The following APBB3 variants were observed in gnomAD, a reference collection of about 807,000 sequenced individuals.
The protein encoded by APBB3 is amyloid beta precursor protein binding family B member 3, also known as amyloid-beta A4 precursor protein-binding family B member 3.
In APBB3, 50 loss-of-function variants were observed where a neutral mutation model predicts 61.5. That is an observed-to-expected ratio of 0.81 (90% CI 0.65 to 1.03). APBB3 has a LOEUF of 1.03. Among genes scored for constraint, APBB3 ranks in the 50% least tolerant of loss-of-function variants. APBB3 has a pLI of 0.00. For synonymous variants in APBB3, 235 were observed against 233.0 expected (o/e 1.01, Z -0.08); for missense variants, 550 against 637.4 (o/e 0.86, Z 1.48).
chr5:140,561,374 G>A lies in APBB3; in HGVS notation c.823C>T (p.Pro275Ser). 2 of 1,614,164 alleles carry A rather than the reference G, an allele frequency of 1.2e-6. No individual in the cohort carries two copies. Among genetic ancestry groups the A allele is most frequent in the Non-Finnish European group, 1.7e-6 (2 of 1,180,024 alleles). The part of the protein sequence containing the change: ...SPDPISPEDL[P>S]RQVELLDAVS... ...TCTCCCCTCCCCATACCTTGCCGTG[G>A]CAGGTCTTCAGGAGAGATGGGGTCT... Residue 275 changes from proline to serine, a missense_variant, in exon 9 of 13, where the codon CCA becomes TCA. This residue lies in a region of APBB3 where 405 missense variants were observed against 483.4 expected (regional missense o/e 0.84). Coordinates refer to ENST00000357560, the MANE Select transcript of APBB3 (RefSeq NM_133173.3).
chr5:140,558,854 C>T (rs755308507), intron 12 of APBB3, 33 bp from the exon 13 acceptor site: 2 of 1,591,544 alleles, frequency 1.3e-6, no homozygotes, highest in Non-Finnish European at 8.6e-7. Context: ...GATCCAGCTA[C>T]TTTCTGCCTC....
Position 140,560,998 on chromosome 5 carries a change from G to A in APBB3, c.916+20C>T. The A allele has an allele frequency of 6.2e-7, 1 of 1,609,168 alleles. No individual in the cohort carries two copies. The highest frequency in any genetic ancestry group is 8.5e-7 in the Non-Finnish European group (1 of 1,179,114). Reference sequence around the variant, plus strand: ...CCTTGCCTCACACAGCCCACCACATGCAGCCCCCTCAGTCCTCACCCATGG... The same window carrying A: ...CCTTGCCTCACACAGCCCACCACATACAGCCCCCTCAGTCCTCACCCATGG... On this transcript the variant is annotated intron_variant, in intron 10 of 12. Coordinates refer to ENST00000357560, the MANE Select transcript of APBB3 (RefSeq NM_133173.3). This position sits in a 1 kb window ranked among gnomAD's most constrained non-coding sequence, Gnocchi z 5.1.
At chr5:140,563,466 G>T in intron 3 of APBB3, 128 bp downstream of exon 3, 1 of 1,038,054 alleles carries the variant, frequency 9.6e-7, no homozygotes, top group Non-Finnish European at 1.5e-6. Context: ...ACAGAGCCAA[G>T]AACGTAACAG....
chr5:140,564,082 C>G lies in APBB3; in HGVS notation c.49+115G>C. On this transcript the variant is annotated intron_variant, in intron 1 of 12. Transcript: ENST00000357560. This position sits in a 1 kb window ranked among gnomAD's most constrained non-coding sequence, Gnocchi z 5.0. ...ATGTAAAGACCGGGTTCATTCGCCC[C>G]CTGGTCCCTACACAGAGAGGTATCC... The G allele has an allele frequency of 6.6e-7, 1 of 1,509,360 alleles. No individual in the cohort carries two copies. Among genetic ancestry groups the G allele is most frequent in the East Asian group, 2.3e-5 (1 of 42,750 alleles). 93.5% of individuals were successfully genotyped at this position (1,509,360 alleles called of 1,614,324 possible).
chr5:140,563,742 C>CT lies in APBB3; in HGVS notation c.213+9dup. On this transcript the variant is annotated intron_variant, in intron 2 of 12. Transcript: ENST00000357560. ...CATGGGCTCAGACCTCCTCCTCACA[C>CT]TCTACCTACCGTGCCTGGGTCCTCT... 1 of 1,614,116 alleles carries CT rather than the reference C, an allele frequency of 6.2e-7. No individual in the cohort carries two copies. The highest frequency in any genetic ancestry group is 1.1e-5 in the South Asian group (1 of 91,074).
intron 3 of APBB3, chr5:140,562,967 G>A: frequency 1.9e-6 from 1 of 517,010 alleles, no homozygotes; most frequent in Non-Finnish European, 3.5e-6. Context: ...CACAAGGCTA[G>A]GTGCAGTGGT....
intron 3 of APBB3, chr5:140,563,342 G>T (rs748955516): frequency 1.4e-5 from 8 of 556,084 alleles, no homozygotes; most frequent in Admixed American, 3.3e-5. Context: ...AGGACTTAAT[G>T]GCCAAGGTCT....
In APBB3 at chr5:140,561,464, A is replaced by C. The variant is rs1581405565; in HGVS notation, c.748-15T>G. 1.2e-6 allele frequency: 2 copies of C among 1,614,124 alleles called. No individual in the cohort carries two copies. Among genetic ancestry groups the C allele is most frequent in the East Asian group, 4.5e-5 (2 of 44,878 alleles). On this transcript the variant is annotated splice_polypyrimidine_tract_variant and intron_variant, in intron 8 of 12. Coordinates refer to ENST00000357560, the MANE Select transcript of APBB3 (RefSeq NM_133173.3). The stretch of plus-strand genomic sequence containing the variant: ...TCTGACAAGATCTAAAACACAATGA[A>C]GCCAGCATGACCCACAGGGAGAGAG...
rs368213260 is a variant in APBB3, at chr5:140,564,283, ACT to A, written c.-40_-39del. ...TCCCCGCCAGCCTCTGCCGGCCCGC[ACT>A]CTCAGCCCAGCGCGACCTCTGGAGC... On this transcript the variant is annotated 5_prime_UTR_variant, in exon 1 of 13. Transcript: ENST00000357560. The surrounding 1 kb of genome is among the most constrained non-coding windows in gnomAD (Gnocchi z 5.0). 21,682 of 1,602,470 alleles carry A rather than the reference ACT, an allele frequency of 0.014. 180 individuals are homozygous for A. Among genetic ancestry groups the A allele is most frequent in the South Asian group, 0.025 (2,288 of 90,906 alleles).
chr5:140,561,779 G>A (rs368483411), intron 7 of APBB3, 65 bp downstream of exon 7: 1 of 1,613,926 alleles, frequency 6.2e-7, no homozygotes, highest in African/African-American at 1.3e-5. Flanking sequence ...AGTCAGGCTA[G>A]GGATATAGCA....
rs371662609 is a variant in APBB3 at position 140,563,588 on chromosome 5, C to A, written c.290+6G>T. The A allele has an allele frequency of 1.9e-6, 3 of 1,614,184 alleles. No individual in the cohort carries two copies. The highest frequency in any genetic ancestry group is 3.3e-5 in the Admixed American group (2 of 60,030). ...AGCCTTTCATTTTGCCTGGGCCACC[C>A]GTTACCTCCGGTCCAGTGAACTCTC... On this transcript the variant is annotated splice_donor_region_variant and intron_variant, in intron 3 of 12. Transcript: ENST00000357560.
chr5:140,562,384 C>T lies in APBB3; in HGVS notation c.467G>A (p.Arg156Gln), dbSNP rs370757168. 1.7e-5 allele frequency: 28 copies of T among 1,614,054 alleles called. No homozygotes were observed. Among genetic ancestry groups the T allele is most frequent in the African/African-American group, 1.2e-4 (9 of 74,944 alleles). The change falls in exon 5 of 13, where the codon CGG becomes CAG. Residue 156 changes from arginine to glutamine, a missense_variant. Transcript: ENST00000357560. ...CCAGGCACCATCTGGAGGCTGGCTC[C>T]GGCTGCGGGTCTGGGCCAGCTGCTG... ...CIQQLAQTRS[R>Q]SQPPDGAWGE...
rs747415121 is a variant in APBB3, at chr5:140,563,881, C to G, written c.84G>C (p.Glu28Asp). Residue 28 changes from glutamate to aspartate, a missense_variant, in exon 2 of 13, where the codon GAG becomes GAC. This residue lies in a region of APBB3 where 405 missense variants were observed against 483.4 expected (regional missense o/e 0.84). Transcript: ENST00000357560. Reference protein sequence around the residue: ...DLWGDHSLEVEAGLPPGWRKI... With the variant: ...DLWGDHSLEVDAGLPPGWRKI... Reference sequence around the variant, plus strand: ...TCCTCCAGCCAGGAGGCAGGCCAGCCTCCACCTCCAGACTGTGGTCCCCCC... The same window carrying G: ...TCCTCCAGCCAGGAGGCAGGCCAGCGTCCACCTCCAGACTGTGGTCCCCCC... 4 of 1,614,118 alleles carry G rather than the reference C, an allele frequency of 2.5e-6. No individual in the cohort carries two copies. The highest frequency in any genetic ancestry group is 3.4e-6 in the Non-Finnish European group (4 of 1,180,028).
chr5:140,558,509 A>C lies in APBB3; in HGVS notation c.*76T>G. ...AGAAGGCTTCAAGGAGTGACAGGCT[A>C]TAGGCCTTGAGGAATAAAACGGTAC... On this transcript the variant is annotated 3_prime_UTR_variant, in exon 13 of 13. Coordinates refer to ENST00000357560, the MANE Select transcript of APBB3 (RefSeq NM_133173.3). 40 of 1,330,704 alleles carry C rather than the reference A, an allele frequency of 3.0e-5. No individual in the cohort carries two copies. The highest frequency in any genetic ancestry group is 4.1e-5 in the Non-Finnish European group (38 of 922,098). The allele number at this position is 1,330,704 out of a possible 1,614,324, so 82.4% of individuals were successfully genotyped here. A position where few individuals can be genotyped will look rare whatever the true frequency, so the allele number is the denominator to read the frequency against.
chr5:140,562,635 C>T (rs1175856364), intron 4 of APBB3, 28 bp downstream of exon 4: 9 of 1,613,864 alleles, frequency 5.6e-6, no homozygotes, highest in Non-Finnish European at 6.8e-6. Flanking sequence ...CTTGGGACCT[C>T]CCAATGCCCT....
chr5:140,558,711 T>G lies in APBB3; in HGVS notation c.1335A>C (p.Gly445=). The G allele has an allele frequency of 6.2e-7, 1 of 1,609,948 alleles. No individual in the cohort carries two copies. Among genetic ancestry groups the G allele is most frequent in the Non-Finnish European group, 8.5e-7 (1 of 1,178,900 alleles). ...LKRTSSMDSP[G]GPLPLPLLKG... ...TGAGCAGGGGGAGGGGCAGGGGACCTCCTGGGGAATCCATGGAGCTGGTCC... is the reference window on the plus strand; with the variant it reads ...TGAGCAGGGGGAGGGGCAGGGGACCGCCTGGGGAATCCATGGAGCTGGTCC... Residue 445 remains glycine, a synonymous_variant, in exon 13 of 13, where the codon GGA becomes GGC. Transcript: ENST00000357560.
chr5:140,562,057 G>T, intron 6 of APBB3, 43 bp downstream of exon 6: 1 of 1,612,142 alleles, frequency 6.2e-7, no homozygotes, highest in Non-Finnish European at 8.5e-7. Context: ...CTGCAGCCGG[G>T]AGGGAGAAGT....
Position 140,560,402 on chromosome 5 carries a change from C to T in APBB3, c.1135G>A (p.Asp379Asn), listed in dbSNP as rs755729315. Residue 379 changes from aspartate (D) to asparagine (N), a missense_variant, in exon 12 of 13, where the codon GAC (aspartate) becomes AAC (asparagine). By Grantham distance (23) the Asp-to-Asn change is conservative. Coordinates refer to ENST00000357560, the MANE Select transcript of APBB3 (RefSeq NM_133173.3). The surrounding 1 kb of genome is among the most constrained non-coding windows in gnomAD (Gnocchi z 5.1). The part of the protein sequence containing the change: ...RDPHTFGLIA[D>N]LGRQSFQCAA... ...CACTGGAAGCTCTGACGGCCCAGGTCAGCGATGAGGCCAAAGGTGTGTGGG... is the reference window on the plus strand; with the variant it reads ...CACTGGAAGCTCTGACGGCCCAGGTTAGCGATGAGGCCAAAGGTGTGTGGG... 2.5e-6 allele frequency: 4 copies of T among 1,614,086 alleles called. No homozygotes were observed. Among genetic ancestry groups the T allele is most frequent in the Admixed American group, 3.3e-5 (2 of 60,002 alleles).
In APBB3 at chr5:140,560,244, G is replaced by A. The variant is rs1386276111; in HGVS notation, c.1224+69C>T. 1.4e-5 allele frequency: 21 copies of A among 1,533,884 alleles called. 1 individual carries two copies. In the South Asian group the frequency reaches 1.4e-4, roughly 11 times the overall value. On this transcript the variant is annotated intron_variant, in intron 12 of 12. Transcript: ENST00000357560. This position sits in a 1 kb window ranked among gnomAD's most constrained non-coding sequence, Gnocchi z 5.1. Reference sequence around the variant, plus strand: ...TGATCTCTGAAGAGGCTGCCGACCCGGAGCCCAAGTAAACAGTGGAGAGCA... The same window carrying A: ...TGATCTCTGAAGAGGCTGCCGACCCAGAGCCCAAGTAAACAGTGGAGAGCA...
Sources: gnomAD v4.1 joint callset for allele counts on GRCh38, gnomAD v4.1.1 for gene constraint, gnomAD v4.1.1 regional missense constraint, Gnocchi (gnomAD v3.1) non-coding constraint, MANE v1.5 for transcripts, NCBI Gene and HGNC (gene_info 2026-07-23, HGNC 2026-07-21) for gene names.